SNX29: variants seen among roughly 807,000 people sequenced by gnomAD.
The protein encoded by SNX29 is sorting nexin 29.
Under a neutral mutation model 102.1 loss-of-function variants are expected in SNX29, and 78 were observed. The ratio of observed to expected loss-of-function variants is 0.76; its 90% CI spans 0.64 to 0.92. The LOEUF is 0.92. Among genes scored for constraint, SNX29 ranks in the 40% least tolerant of loss-of-function variants. SNX29 has a pLI of 0.00. For missense variants in SNX29, 1,280 were observed against 1,061.7 expected (o/e 1.21, Z -2.86); for synonymous variants, 580 against 414.5 (o/e 1.40, Z -4.85).
chr16:12,225,760 T>C (rs1439652677), intron 14 of SNX29, among the ~76,000 whole-genome samples: 1 of 152,176 alleles, frequency 6.6e-6, no homozygotes, highest in African/African-American at 2.4e-5. Context: ...TTTGACCAGA[T>C]CTCAGCAAAG....
chr16:12,193,346 G>A (rs377699014), intron 13 of SNX29, among the ~76,000 whole-genome samples: 2 of 151,704 alleles, frequency 1.3e-5, no homozygotes, highest in Non-Finnish European at 2.9e-5. Flanking sequence ...GGTGGGTGCC[G>A]GTAATCCCAG....
intron 11 of SNX29, among the ~76,000 whole-genome samples, chr16:12,111,380 A>G (rs1488762962): frequency 6.6e-6 from 1 of 152,168 alleles, no homozygotes; most frequent in Admixed American, 6.5e-5. Flanking sequence ...TTTGCCTTCC[A>G]TGACCTGTGC....
chr16:12,014,732 CA>C (rs201224471), intron 3 of SNX29, among the ~76,000 whole-genome samples: 260 of 72,112 alleles, frequency 3.6e-3, no homozygotes, highest in East Asian at 0.032. Context: ...AGCTCCGTCT[CA>C]AAAAAAAAAA....
intron 19 of SNX29, among the ~76,000 whole-genome samples, chr16:12,506,328 T>G (rs1031393320): frequency 1.3e-5 from 2 of 152,198 alleles, no homozygotes; most frequent in African/African-American, 4.8e-5. Context: ...AAGCTGGGCT[T>G]GAATCCTGCG....
rs1237883797 is a variant in SNX29, at chr16:11,995,531, G to C, written c.8-3766G>C. On this transcript the variant is annotated intron_variant, in intron 1 of 20. Coordinates refer to ENST00000566228, the MANE Select transcript of SNX29 (RefSeq NM_032167.5). ...CAATCTCGGGTAGTTTTTGTATAAA[G>C]AACAGGTTTTTCTTTTCTTCCCCCC... Among the ~76,000 whole-genome samples, 2 of 151,320 alleles carry C rather than the reference G, an allele frequency of 1.3e-5. 1 individual carries two copies. The highest frequency in any genetic ancestry group is 4.9e-5 in the African/African-American group (2 of 41,172).
intron 20 of SNX29, among the ~76,000 whole-genome samples, chr16:12,568,187 G>A (rs1013782732): frequency 3.9e-5 from 6 of 152,020 alleles, no homozygotes; most frequent in Non-Finnish European, 7.3e-5. Flanking sequence ...GGAAAATGTG[G>A]GGAAGAAAGC....
At chr16:12,373,617 G>GT (rs1395143435) in intron 16 of SNX29, 1 of 152,176 alleles carries the variant, frequency 6.6e-6, no homozygotes, top group African/African-American at 2.4e-5. Context: ...TTGGCATAGA[G>GT]TTGTTTATTT....
intron 19 of SNX29, among the ~76,000 whole-genome samples, chr16:12,503,804 C>G (rs1206055813): frequency 2.6e-5 from 4 of 152,186 alleles, no homozygotes; most frequent in Admixed American, 2.0e-4. Flanking sequence ...AAGAGAGCTT[C>G]TCCTTTCTAA....
intron 20 of SNX29, among the ~76,000 whole-genome samples, chr16:12,527,941 C>T (rs903168799): frequency 4.6e-5 from 7 of 151,198 alleles, no homozygotes; most frequent in African/African-American, 1.7e-4. Flanking sequence ...TCTCCTGCTT[C>T]AGCCTCCCGA....
chr16:12,411,377 G>A (rs532134387), intron 18 of SNX29, among the ~76,000 whole-genome samples: 3 of 152,208 alleles, frequency 2.0e-5, no homozygotes, highest in Non-Finnish European at 4.4e-5. Context: ...TTTCCACCCC[G>A]GCGTTCTGAG....
Position 12,130,652 on chromosome 16 carries a change from A to G in SNX29, c.1595+894A>G, listed in dbSNP as rs74008685. Among the ~76,000 whole-genome samples, 447 of 152,134 alleles carry G rather than the reference A, an allele frequency of 2.9e-3. 1 individual carries two copies. Among genetic ancestry groups the G allele is most frequent in the African/African-American group, 0.01 (419 of 41,510 alleles). ...CCCAGTTTGCTCCCTAGAGGGGGTC[A>G]TTGTTACTGTTCCCAGAGATATTCC... is the stretch of plus-strand genomic sequence containing the variant. On this transcript the variant is annotated intron_variant, in intron 13 of 20. Coordinates refer to ENST00000566228, the MANE Select transcript of SNX29 (RefSeq NM_032167.5).
chr16:12,346,697 T>G (rs2151278375), intron 15 of SNX29, among the ~76,000 whole-genome samples: 1 of 152,272 alleles, frequency 6.6e-6, no homozygotes. Flanking sequence ...AGGTTTTGTT[T>G]TTTGCTTTCT....
At chr16:12,555,249 G>C (rs550678414) in intron 20 of SNX29, among the ~76,000 whole-genome samples, 38 of 151,762 alleles carry the variant, frequency 2.5e-4, no homozygotes, top group African/African-American at 8.5e-4. Context: ...TGAGAGATGA[G>C]GGTGCTCAAA....
intron 19 of SNX29, among the ~76,000 whole-genome samples, chr16:12,500,239 C>A (rs2089047722): frequency 6.6e-6 from 1 of 152,166 alleles, no homozygotes; most frequent in Non-Finnish European, 1.5e-5. Flanking sequence ...CTCAAGCAAA[C>A]CTCGTGCCTC....
Position 12,297,517 on chromosome 16 carries a change from C to T in SNX29, c.1782+19481C>T, listed in dbSNP as rs113747342. The stretch of plus-strand genomic sequence containing the variant: ...TCCGCATCCCTGGCTTCCTTCCCTT[C>T]TCCTGGCCTCTCCTACTTGAAATTT... On this transcript the variant is annotated intron_variant, in intron 15 of 20. Transcript: ENST00000566228. Among the ~76,000 whole-genome samples the T allele has an allele frequency of 4.9e-3, 744 of 152,108 alleles. 5 individuals are homozygous for T. Among genetic ancestry groups the T allele is most frequent in the African/African-American group, 0.017 (723 of 41,464 alleles).
At chr16:12,041,915 T>G (rs1342324993) in intron 4 of SNX29, among the ~76,000 whole-genome samples, 1 of 152,178 alleles carries the variant, frequency 6.6e-6, no homozygotes, top group African/African-American at 2.4e-5. Flanking sequence ...AAAAGAAAAG[T>G]GCAGTAAAAA....
At chr16:12,560,906 C>A (rs903054062) in intron 20 of SNX29, 1 of 194,748 alleles carries the variant, frequency 5.1e-6, no homozygotes, top group Non-Finnish European at 1.1e-5. Flanking sequence ...CTTTTTTAAT[C>A]CTTTTAAAAT....
chr16:12,186,950 C>T (rs1267684906), intron 13 of SNX29, among the ~76,000 whole-genome samples: 1 of 152,222 alleles, frequency 6.6e-6, no homozygotes, highest in East Asian at 1.9e-4. Flanking sequence ...ATGTAGCACT[C>T]AGTGGCCGGG....
intron 18 of SNX29, among the ~76,000 whole-genome samples, chr16:12,425,243 G>A (rs979689455): frequency 1.3e-5 from 2 of 152,214 alleles, no homozygotes; most frequent in African/African-American, 4.8e-5. Flanking sequence ...GAGGGGTCAG[G>A]AGAGAGCAGA....
Sources: gnomAD v4.1 joint callset for allele counts (sites outside exome capture counted in the v4.1 genomes callset) on GRCh38, gnomAD v4.1.1 for gene constraint, MANE v1.5 for transcripts, NCBI Gene and HGNC (gene_info 2026-07-23, HGNC 2026-07-21) for gene names.